NDST1: variants seen among roughly 807,000 people sequenced by gnomAD.
The protein encoded by NDST1 is bifunctional heparan sulfate N-deacetylase/N-sulfotransferase 1.
A neutral mutation model predicts 92.8 loss-of-function variants in NDST1; 35 were observed. The observed-to-expected ratio is 0.38, with a 90% confidence interval of 0.29 to 0.50. The LOEUF (loss-of-function observed/expected upper bound fraction) is 0.50, where lower values mean the gene tolerates loss of function less well. NDST1 is among the 20% of genes least tolerant of loss of function. The pLI is 0.94. For missense variants in NDST1, 822 were observed against 1,182.7 expected (o/e 0.69, Z 4.47); for synonymous variants, 493 against 500.3 (o/e 0.99, Z 0.19).
At position 150,528,157 on chromosome 5, in the gene NDST1, G is replaced by A; in HGVS notation, c.867G>A (p.Leu289=). The A allele has an allele frequency of 1.9e-6, 3 of 1,614,248 alleles. No homozygotes were observed. Among genetic ancestry groups the A allele is most frequent in the Non-Finnish European group, 2.5e-6 (3 of 1,180,046 alleles). ...VLFGNNLNFW[L]HKLVFVDAVA... ...TTGGCAACAACCTGAACTTCTGGCTGCACAAGCTTGTCTTCGTGGATGCCG... is the reference window on the plus strand; with the variant it reads ...TTGGCAACAACCTGAACTTCTGGCTACACAAGCTTGTCTTCGTGGATGCCG... The change falls in exon 3 of 15, where the codon CTG becomes CTA. Residue 289 remains leucine (L), a synonymous_variant. Coordinates refer to ENST00000261797, the MANE Select transcript of NDST1 (RefSeq NM_001543.5).
intron 1 of NDST1, among the ~76,000 whole-genome samples, chr5:150,516,777 T>C (rs1301969197): frequency 1.3e-5 from 2 of 152,184 alleles, no homozygotes; most frequent in Admixed American, 6.5e-5. Context: ...GTGATTCTCT[T>C]GCCTCAGCCT....
At chr5:150,500,072 A>G (rs1753165251) in intron 1 of NDST1, among the ~76,000 whole-genome samples, 1 of 152,174 alleles carries the variant, frequency 6.6e-6, no homozygotes. Context: ...GTCAAGGTTT[A>G]TTTAACTCAT....
chr5:150,514,967 T>C (rs1464046887), intron 1 of NDST1, among the ~76,000 whole-genome samples: 1 of 152,194 alleles, frequency 6.6e-6, no homozygotes, highest in African/African-American at 2.4e-5. Flanking sequence ...TGTTTTGTGC[T>C]GAGGGCTGTG....
At chr5:150,516,823 G>A (rs1753988009) in intron 1 of NDST1, among the ~76,000 whole-genome samples, 1 of 152,048 alleles carries the variant, frequency 6.6e-6, no homozygotes, top group Admixed American at 6.5e-5. Context: ...CTGCTACCAT[G>A]CCTAGCTAAT....
At chr5:150,543,022 TC>T (rs1401056129) in intron 10 of NDST1, 51 bp downstream of exon 10, 7 of 1,610,420 alleles carry the variant, frequency 4.3e-6, no homozygotes, top group Non-Finnish European at 5.1e-6. Context: ...TCCTGGGGCC[TC>T]CCAGGAGTCT....
At chr5:150,518,707 T>C (rs761246260) in intron 1 of NDST1, 6 of 152,228 alleles carry the variant, frequency 3.9e-5, no homozygotes, top group Non-Finnish European at 7.3e-5. Flanking sequence ...ATTATATTTC[T>C]ATGTCAGTAC....
intron 1 of NDST1, among the ~76,000 whole-genome samples, chr5:150,501,481 G>A (rs926432254): frequency 6.6e-6 from 1 of 152,198 alleles, no homozygotes; most frequent in Non-Finnish European, 1.5e-5. Context: ...GACTAGAACA[G>A]GACTGGGAAT....
intron 1 of NDST1, among the ~76,000 whole-genome samples, chr5:150,517,733 G>A (rs758869491): frequency 1.4e-4 from 21 of 152,106 alleles, no homozygotes; most frequent in Non-Finnish European, 2.2e-4. Flanking sequence ...ACAGGGTTTC[G>A]TGGCTCCCAC....
At chr5:150,500,945 G>GATC (rs1261821052) in intron 1 of NDST1, among the ~76,000 whole-genome samples, 1 of 152,226 alleles carries the variant, frequency 6.6e-6, no homozygotes, top group Admixed American at 6.5e-5. Context: ...GGCAGTGGCA[G>GATC]ATCATCTAGC....
At position 150,521,477 on chromosome 5, in the gene NDST1, G is replaced by C; in HGVS notation, c.223G>C (p.Ala75Pro). The change falls in exon 2 of 15, where the codon GCA becomes CCA. Residue 75 changes from alanine to proline, a missense_variant. Coordinates refer to ENST00000261797, the MANE Select transcript of NDST1 (RefSeq NM_001543.5). This position sits in a 1 kb window ranked among gnomAD's most constrained non-coding sequence, Gnocchi z 5.9. ...SRLLPLKPVQ[A>P]ATPSRTDPLV... ...CCTGCTGCCACTCAAGCCTGTGCAG[G>C]CAGCCACCCCTTCCCGCACAGACCC... 6.2e-7 allele frequency: 1 copy of C among 1,613,946 alleles called. No individual in the cohort carries two copies. Among genetic ancestry groups the C allele is most frequent in the East Asian group, 2.2e-5 (1 of 44,862 alleles).
rs1755826870 is a variant in NDST1 at position 150,554,337 on chromosome 5, A to ATATATATATATATATATATATATAATGTG, written c.*1027_*1028insTAATGTGTATATATATATATATATATATA. ...CTGGGTGCTGGGGTCGCACTGTGTT[A>ATATATATATATATATATATATATAATGTG]TATATATATATATATATATATAATG... On this transcript the variant is annotated 3_prime_UTR_variant, in exon 15 of 15. Coordinates refer to ENST00000261797, the MANE Select transcript of NDST1 (RefSeq NM_001543.5). The ATATATATATATATATATATATATAATGTG allele has an allele frequency of 6.8e-6, 1 of 147,870 alleles. No individual in the cohort carries two copies. Among genetic ancestry groups the ATATATATATATATATATATATATAATGTG allele is most frequent in the Non-Finnish European group, 1.4e-5 (1 of 69,672 alleles). 9.2% of individuals were successfully genotyped at this position (147,870 alleles called of 1,614,324 possible). A position where few individuals can be genotyped will look rare whatever the true frequency, so the allele number is the denominator to read the frequency against.
At chr5:150,507,828 C>T (rs1753531029), upstream of NDST1, 1 of 152,368 alleles carries the variant, frequency 6.6e-6, no homozygotes, top group African/African-American at 2.4e-5. Context: ...GACCCACTAG[C>T]ATGAGGGTCA....
intron 8 of NDST1, among the ~76,000 whole-genome samples, chr5:150,541,066 C>T (rs761351957): frequency 6.6e-6 from 1 of 152,106 alleles, no homozygotes; most frequent in African/African-American, 2.4e-5. Flanking sequence ...GTCCACAAAC[C>T]GTGACTCATG....
intron 4 of NDST1, 145 bp downstream of exon 4, chr5:150,533,177 A>G (rs2273230): frequency 0.033 from 26,902 of 815,176 alleles, 1,358 homozygotes; most frequent in East Asian, 0.19. Context: ...CCGTGGAGCC[A>G]ACAGCCTACA....
intron 1 of NDST1, among the ~76,000 whole-genome samples, chr5:150,518,291 C>G (rs941017568): frequency 6.6e-6 from 1 of 151,694 alleles, no homozygotes; most frequent in Non-Finnish European, 1.5e-5. Flanking sequence ...CTCTCCCAAA[C>G]CCCCATCCCA....
intron 10 of NDST1, among the ~76,000 whole-genome samples, chr5:150,543,290 C>T (rs897937567): frequency 9.2e-5 from 14 of 152,214 alleles, no homozygotes; most frequent in Non-Finnish European, 1.6e-4. Flanking sequence ...GTCCCAAGGT[C>T]GGAAATCCAA....
upstream of NDST1, among the ~76,000 whole-genome samples, chr5:150,504,093 C>T (rs1419888669): frequency 6.6e-6 from 1 of 152,160 alleles, no homozygotes; most frequent in Non-Finnish European, 1.5e-5. Flanking sequence ...GTGGCCCCTT[C>T]AGAACCCACA....
At chr5:150,512,435 G>A (rs145385599) in intron 1 of NDST1, among the ~76,000 whole-genome samples, 17 of 152,226 alleles carry the variant, frequency 1.1e-4, no homozygotes, top group Admixed American at 1.1e-3. Flanking sequence ...TTGTGGAAAG[G>A]TCATGGTCGC....
intron 8 of NDST1, among the ~76,000 whole-genome samples, chr5:150,540,636 C>T (rs1379721526): frequency 3.9e-5 from 6 of 151,924 alleles, no homozygotes; most frequent in Admixed American, 6.6e-5. Context: ...GGCAATATGG[C>T]GAAACCCTGT....
Sources: gnomAD v4.1 joint callset for allele counts (sites outside exome capture counted in the v4.1 genomes callset) on GRCh38, gnomAD v4.1.1 for gene constraint, Gnocchi (gnomAD v3.1) non-coding constraint, MANE v1.5 for transcripts, NCBI Gene and HGNC (gene_info 2026-07-23, HGNC 2026-07-21) for gene names.